DOCK1: variants seen among roughly 807,000 people sequenced by gnomAD.
The protein encoded by DOCK1 is dedicator of cytokinesis protein 1.
A neutral mutation model predicts 262.7 loss-of-function variants in DOCK1; 138 were observed. That is an observed-to-expected ratio of 0.53 (90% CI 0.46 to 0.61). The LOEUF is 0.61. Ranked by LOEUF, DOCK1 falls within the 20% of genes least tolerant of loss-of-function variation. The pLI is 0.00. For missense variants in DOCK1, 1,908 were observed against 2,370.7 expected (o/e 0.80, Z 4.05); for synonymous variants, 866 against 867.4 (o/e 1.00, Z 0.03).
intron 9 of DOCK1, 141 bp downstream of exon 9, chr10:126,999,576 G>A: frequency 3.1e-6 from 2 of 638,278 alleles, no homozygotes; most frequent in Admixed American, 3.0e-5. Flanking sequence ...TTACTAAGTA[G>A]AGCGCATTTC....
intron 47 of DOCK1, among the ~76,000 whole-genome samples, chr10:127,431,253 A>G (rs985231614): frequency 6.6e-6 from 1 of 152,226 alleles, no homozygotes; most frequent in African/African-American, 2.4e-5. Flanking sequence ...TAATTGCATC[A>G]GATGAAACAA....
intron 6 of DOCK1, among the ~76,000 whole-genome samples, chr10:126,993,607 C>T (rs1466324023): frequency 6.6e-6 from 1 of 152,162 alleles, no homozygotes; most frequent in Non-Finnish European, 1.5e-5. Context: ...ACATTTTCTC[C>T]AGATGTCTTT....
At chr10:127,274,197 G>A (rs537557061) in intron 29 of DOCK1, among the ~76,000 whole-genome samples, 35 of 152,208 alleles carry the variant, frequency 2.3e-4, no homozygotes, top group South Asian at 6.2e-4. Context: ...CCTGGCTACC[G>A]TTGATATTCT....
chr10:127,335,829 C>G (rs2063167354), intron 29 of DOCK1, among the ~76,000 whole-genome samples: 1 of 152,126 alleles, frequency 6.6e-6, no homozygotes, highest in Non-Finnish European at 1.5e-5. Context: ...ATTCTCCTGC[C>G]TCAGCCTCCC....
At chr10:127,127,215 G>A (rs547592540) in intron 26 of DOCK1, among the ~76,000 whole-genome samples, 1 of 152,328 alleles carries the variant, frequency 6.6e-6, no homozygotes, top group Admixed American at 6.5e-5. Flanking sequence ...CCACAGCAGT[G>A]TGAATTTTAG....
intron 23 of DOCK1, among the ~76,000 whole-genome samples, chr10:127,068,734 TACACCC>T (rs1468989385): frequency 6.6e-6 from 1 of 152,232 alleles, no homozygotes; most frequent in Non-Finnish European, 1.5e-5. Flanking sequence ...CACATATGTA[TACACCC>T]ACACCTATAT....
At chr10:127,448,205 G>T (rs995162035) in intron 51 of DOCK1, among the ~76,000 whole-genome samples, 3 of 152,162 alleles carry the variant, frequency 2.0e-5, no homozygotes, top group Non-Finnish European at 4.4e-5. Context: ...GCCTTTGTAA[G>T]CCTAAGCAAC....
chr10:127,186,673 T>A (rs1217722309), intron 27 of DOCK1, among the ~76,000 whole-genome samples: 1 of 151,854 alleles, frequency 6.6e-6, no homozygotes, highest in Admixed American at 6.6e-5. Context: ...TTCCTGTTCT[T>A]TAGACTGAGA....
At chr10:126,949,081 G>T (rs2035926252) in intron 1 of DOCK1, among the ~76,000 whole-genome samples, 2 of 152,132 alleles carry the variant, frequency 1.3e-5, no homozygotes, top group South Asian at 4.2e-4. Context: ...TGGGAGTGGT[G>T]CACGTTCTGC....
Position 126,977,998 on chromosome 10 carries a change from T to TC in DOCK1, c.171+11dup, listed in dbSNP as rs775093865. On this transcript the variant is annotated intron_variant, in intron 3 of 51. Transcript: ENST00000623213. ...AAAAAAGTCTAAGAAGGTAAGTCCT[T>TC]CTTCTTAAACACAGTGCATGTCTCT... 7 of 1,613,186 alleles carry TC rather than the reference T, an allele frequency of 4.3e-6. No homozygotes were observed. Among genetic ancestry groups the TC allele is most frequent in the Non-Finnish European group, 5.1e-6 (6 of 1,179,336 alleles).
At chr10:127,328,894 TCTTTC>T (rs1306512340) in intron 29 of DOCK1, among the ~76,000 whole-genome samples, 2 of 152,028 alleles carry the variant, frequency 1.3e-5, no homozygotes, top group East Asian at 3.9e-4. Context: ...AAACATGCCC[TCTTTC>T]CTTCTTGTGT....
intron 29 of DOCK1, among the ~76,000 whole-genome samples, chr10:127,321,233 C>A (rs1210772857): frequency 1.2e-5 from 1 of 82,724 alleles, no homozygotes; most frequent in African/African-American, 4.4e-5. Context: ...CCCCTCCCCT[C>A]CCCGTCCTCC....
intron 16 of DOCK1, among the ~76,000 whole-genome samples, chr10:127,029,440 A>G (rs188996332): frequency 1.1e-4 from 17 of 152,352 alleles, no homozygotes; most frequent in African/African-American, 4.1e-4. Flanking sequence ...TCGATGGGTT[A>G]ACATAATACC....
chr10:126,952,880 T>G (rs2036415888), intron 1 of DOCK1, among the ~76,000 whole-genome samples: 2 of 4,954 alleles, frequency 4.0e-4, no homozygotes, highest in Non-Finnish European at 6.6e-4. Context: ...ATTGTTATTG[T>G]TGGTAGTATT....
chr10:126,957,283 G>A (rs1266934665), intron 1 of DOCK1, among the ~76,000 whole-genome samples: 2 of 152,132 alleles, frequency 1.3e-5, no homozygotes, highest in African/African-American at 4.8e-5. Flanking sequence ...CTCCCTCCTG[G>A]TTGCAGTATG....
chr10:127,432,657 G>A (rs890394828), intron 47 of DOCK1, among the ~76,000 whole-genome samples: 2 of 152,136 alleles, frequency 1.3e-5, no homozygotes, highest in Non-Finnish European at 1.5e-5. Context: ...AGATGGAAAA[G>A]TCCATCTAGA....
At chr10:127,374,853 A>G (rs1487884662) in intron 35 of DOCK1, among the ~76,000 whole-genome samples, 2 of 152,182 alleles carry the variant, frequency 1.3e-5, no homozygotes, top group African/African-American at 4.8e-5. Context: ...GGAGGCCAGG[A>G]AGGATCCCCC....
chr10:126,946,572 C>T (rs1489481848), intron 1 of DOCK1, among the ~76,000 whole-genome samples: 1 of 152,042 alleles, frequency 6.6e-6, no homozygotes, highest in Non-Finnish European at 1.5e-5. Flanking sequence ...ACTTTCCATT[C>T]CCTGTCCCCT....
At chr10:127,255,282 C>T (rs997730032) in intron 28 of DOCK1, among the ~76,000 whole-genome samples, 1 of 152,120 alleles carries the variant, frequency 6.6e-6, no homozygotes, top group Non-Finnish European at 1.5e-5. Context: ...CACCTGTGGT[C>T]CCAGGATACT....
Sources: allele counts gnomAD v4.1 joint callset (sites outside exome capture counted in the v4.1 genomes callset), GRCh38; gene constraint gnomAD v4.1.1; transcripts MANE v1.5; gene names NCBI Gene and HGNC (gene_info 2026-07-23, HGNC 2026-07-21).